LRRIQ1: variants seen among roughly 807,000 people sequenced by gnomAD.
The protein encoded by LRRIQ1 is leucine-rich repeat- and IQ domain-containing protein 1.
LRRIQ1 carries 210 observed loss-of-function variants against 211.9 expected under a neutral mutation model. That is an observed-to-expected ratio of 0.99 (90% confidence interval 0.89 to 1.11). The LOEUF (loss-of-function observed/expected upper bound fraction) is 1.11. LRRIQ1 is among the 50% of genes most tolerant of loss of function. The pLI, the probability that LRRIQ1 is intolerant of heterozygous loss-of-function variation, is 0.00. For missense variants in LRRIQ1, 2,136 were observed against 1,939.5 expected (o/e 1.10, Z -1.90); for synonymous variants, 699 against 650.1 (o/e 1.08, Z -1.14).
chr12:85,255,506 T>A (rs1896062585), intron 1 of LRRIQ1, among the ~76,000 whole-genome samples: 1 of 151,852 alleles, frequency 6.6e-6, no homozygotes, highest in Non-Finnish European at 1.5e-5. Context: ...TTAAACTTTT[T>A]TGTTCCATAC....
At chr12:85,109,922 G>T (rs778630136) in intron 15 of LRRIQ1, among the ~76,000 whole-genome samples, 10 of 152,158 alleles carry the variant, frequency 6.6e-5, no homozygotes, top group Non-Finnish European at 8.8e-5. Context: ...AAAGCCTCCT[G>T]AGTAGCTGGG....
At chr12:85,270,490 G>A in the LRRIQ1 span, among the ~76,000 whole-genome samples, 4,795 of 152,092 alleles carry the variant, frequency 0.032, 242 homozygotes, top group African/African-American at 0.11. Flanking sequence ...TTTATTTCTC[G>A]TATGTGATCC....
chr12:85,038,364 T>G, intron 2 of LRRIQ1, 56 bp downstream of exon 2: 1 of 1,318,736 alleles, frequency 7.6e-7, no homozygotes, highest in Non-Finnish European at 9.9e-7. Flanking sequence ...GGAGAAATAT[T>G]ACTTTTCTCA....
chr12:85,229,411 T>G, intron 24 of LRRIQ1, 106 bp from the exon 25 acceptor site: 1 of 830,270 alleles, frequency 1.2e-6, no homozygotes, highest in Admixed American at 2.8e-5. Flanking sequence ...CATAAGTTAG[T>G]ATTTTTTTTT....
At chr12:85,271,983 T>C in the LRRIQ1 span, among the ~76,000 whole-genome samples, 1 of 152,172 alleles carries the variant, frequency 6.6e-6, no homozygotes, top group African/African-American at 2.4e-5. Flanking sequence ...CTTTAATGGA[T>C]GATACCTGAA....
intron 24 of LRRIQ1, among the ~76,000 whole-genome samples, chr12:85,191,455 A>G (rs1892506015): frequency 1.3e-5 from 2 of 151,948 alleles, no homozygotes; most frequent in African/African-American, 4.8e-5. Context: ...TCACTTAGTA[A>G]CATGCTTTTA....
At chr12:85,149,855 AG>A (rs1219566311) in intron 19 of LRRIQ1, among the ~76,000 whole-genome samples, 1 of 151,796 alleles carries the variant, frequency 6.6e-6, no homozygotes, top group Non-Finnish European at 1.5e-5. Context: ...ATTCTATAAA[AG>A]TTTCTATAAA....
In LRRIQ1 at chr12:85,056,187, TAAAAG is replaced by T; in HGVS notation, c.1397_1401del (p.Lys466IlefsTer12). On this transcript the variant is annotated frameshift_variant, in exon 8 of 27. Coordinates refer to ENST00000393217, the MANE Select transcript of LRRIQ1 (RefSeq NM_001079910.2). LOFTEE classifies it high-confidence loss of function. The stretch of plus-strand genomic sequence containing the variant: ...TTAAAAGAATCAATACAAGTAAAGT[TAAAAG>T]AATCTATATCAAGCCAAACAATTCT... 3.2e-6 allele frequency: 5 copies of T among 1,576,744 alleles called. No homozygotes were observed. Among genetic ancestry groups the T allele is most frequent in the Non-Finnish European group, 3.4e-6 (4 of 1,169,566 alleles).
intron 19 of LRRIQ1, among the ~76,000 whole-genome samples, chr12:85,150,346 T>C (rs553380687): frequency 6.6e-6 from 1 of 151,924 alleles, no homozygotes; most frequent in South Asian, 2.1e-4. Flanking sequence ...TCCCTTGTCA[T>C]TGAAAAGAAA....
At chr12:85,129,926 G>A (rs1888636473) in intron 18 of LRRIQ1, among the ~76,000 whole-genome samples, 2 of 152,176 alleles carry the variant, frequency 1.3e-5, no homozygotes, top group Non-Finnish European at 2.9e-5. Flanking sequence ...ACGGACCCGA[G>A]TATCAGCAGC....
At chr12:85,147,974 A>G (rs1302563142) in intron 19 of LRRIQ1, among the ~76,000 whole-genome samples, 2 of 151,692 alleles carry the variant, frequency 1.3e-5, no homozygotes, top group Non-Finnish European at 2.9e-5. Flanking sequence ...GAAAGGCTGC[A>G]AATCCAAAAC....
intron 1 of LRRIQ1, among the ~76,000 whole-genome samples, chr12:85,251,633 A>G (rs1565929260): frequency 6.6e-6 from 1 of 151,966 alleles, no homozygotes; most frequent in Non-Finnish European, 1.5e-5. Flanking sequence ...AGTAGACCAT[A>G]TCTAAATTTG....
In LRRIQ1 at chr12:85,081,063, T is replaced by C. The variant is rs183967715; in HGVS notation, c.2887+7965T>C. Among the ~76,000 whole-genome samples, 11 of 152,276 alleles carry C rather than the reference T, an allele frequency of 7.2e-5. No homozygotes were observed. The East Asian group carries it at 1.5e-3, about 21-fold the overall frequency. On this transcript the variant is annotated intron_variant, in intron 11 of 26. Coordinates refer to ENST00000393217, the MANE Select transcript of LRRIQ1 (RefSeq NM_001079910.2). ...AGCTTCAGGCCCTCAGAACCCTTTC[T>C]GTATTTGAATGATTCTTACTCTTAA...
At chr12:85,081,099 A>G (rs751998760) in intron 11 of LRRIQ1, among the ~76,000 whole-genome samples, 4 of 152,132 alleles carry the variant, frequency 2.6e-5, no homozygotes, top group Admixed American at 6.6e-5. Flanking sequence ...GGGATAGTGC[A>G]TGCTGATCCC....
chr12:85,157,120 G>A (rs1890596055), intron 23 of LRRIQ1, among the ~76,000 whole-genome samples: 1 of 151,852 alleles, frequency 6.6e-6, no homozygotes. Context: ...ATTTAAGAAA[G>A]TAGAATGTAA....
Position 85,056,051 on chromosome 12 carries a change from G to T in LRRIQ1, c.1258G>T (p.Gly420Cys). The change falls in exon 8 of 27, where the codon GGT becomes TGT. Residue 420 changes from glycine to cysteine, a missense_variant. Physicochemically the swap from Gly to Cys is radical, Grantham distance 159. Transcript: ENST00000393217. ...TCTTGAAGATATTTCAAATGATAAG[G>T]GTGATATAGCCAAAAATCTAGTGGA... The part of the protein sequence containing the change: ...LSLEDISNDK[G>C]DIAKNLVDEN... 1 of 1,599,218 alleles carries T rather than the reference G, an allele frequency of 6.3e-7. No individual in the cohort carries two copies. Among genetic ancestry groups the T allele is most frequent in the Non-Finnish European group, 8.5e-7 (1 of 1,175,912 alleles).
chr12:85,241,250 T>A (rs1895445006), intron 26 of LRRIQ1, among the ~76,000 whole-genome samples: 1 of 152,056 alleles, frequency 6.6e-6, no homozygotes, highest in African/African-American at 2.4e-5. Flanking sequence ...TTGAACTTCA[T>A]GTTTAAGGTC....
intron 7 of LRRIQ1, among the ~76,000 whole-genome samples, chr12:85,052,704 C>G (rs1880479918): frequency 6.6e-6 from 1 of 151,876 alleles, no homozygotes; most frequent in South Asian, 2.1e-4. Flanking sequence ...CTCCATAATC[C>G]TGTTATTTAG....
chr12:85,168,673 G>A (rs1353578761), intron 24 of LRRIQ1, among the ~76,000 whole-genome samples: 1 of 152,114 alleles, frequency 6.6e-6, no homozygotes, highest in African/African-American at 2.4e-5. Flanking sequence ...GGGAGAAAGA[G>A]TACCATATAT....
Sources: allele counts gnomAD v4.1 joint callset (sites outside exome capture counted in the v4.1 genomes callset), GRCh38; gene constraint gnomAD v4.1.1; transcripts MANE v1.5; gene names NCBI Gene and HGNC (gene_info 2026-07-23, HGNC 2026-07-21).